The following NAE1 variants were observed in gnomAD, a reference collection of about 807,000 sequenced individuals.
NAE1 encodes the protein NEDD8-activating enzyme E1 regulatory subunit.
NAE1 carries 59 observed loss-of-function variants against 88.0 expected under a neutral mutation model. The ratio of observed to expected loss-of-function variants is 0.67; its 90% confidence interval spans 0.54 to 0.83. The LOEUF (loss-of-function observed/expected upper bound fraction) is 0.83. NAE1 is among the 40% of genes least tolerant of loss of function. The probability of loss-of-function intolerance (pLI) is 0.00; values close to 1 mark genes in which losing one functional copy is unlikely to be tolerated. For synonymous variants in NAE1, 186 were observed against 208.9 expected, an observed-to-expected ratio of 0.89 and a Z score of 0.95; for missense variants, 554 against 632.8, an observed-to-expected ratio of 0.88 and a Z score of 1.34.
At chr16:66,822,957 C>T (rs1330284224) in intron 6 of NAE1, among the ~76,000 whole-genome samples, 1 of 148,702 alleles carries the variant, frequency 6.7e-6, no homozygotes, top group Non-Finnish European at 1.5e-5. Context: ...CATGAGCCAC[C>T]GTGCCCAGCC....
rs1488812766 is a variant in NAE1, at chr16:66,823,562, T to C, written c.288A>G (p.Leu96=). The part of the protein sequence containing the change: ...AEAAMEFLQE[L]NSDVSGSFVE... ...CAAAACTTCCAGAGACATCGCTATTTAATTCTTGTAAGAATTCCATGGCAG... is the reference window on the plus strand; with the variant it reads ...CAAAACTTCCAGAGACATCGCTATTCAATTCTTGTAAGAATTCCATGGCAG... Residue 96 remains leucine (L), a synonymous_variant, in exon 5 of 20, where the codon TTA becomes TTG. Transcript: ENST00000290810. 1 of 1,611,360 alleles carries C rather than the reference T, an allele frequency of 6.2e-7. No individual in the cohort carries two copies. Among genetic ancestry groups the C allele is most frequent in the Non-Finnish European group, 8.5e-7 (1 of 1,179,310 alleles).
At position 66,813,699 on chromosome 16, in the gene NAE1, T is replaced by C. The variant is rs1444594799; in HGVS notation, c.901-2A>G. On this transcript the variant is annotated splice_acceptor_variant, in intron 12 of 19. Transcript: ENST00000290810. LOFTEE classifies it high-confidence loss of function. ...AGCTAAAATCCAAAATGATGGAGTC[T>C]AAAAGAATAAGAAAAAATTAACATT... 1 of 1,612,078 alleles carries C rather than the reference T, an allele frequency of 6.2e-7. No individual in the cohort carries two copies. Among genetic ancestry groups the C allele is most frequent in the East Asian group, 2.2e-5 (1 of 44,818 alleles).
At chr16:66,805,733 G>A in intron 19 of NAE1, 44 bp downstream of exon 19, 1 of 1,377,574 alleles carries the variant, frequency 7.3e-7, no homozygotes, top group South Asian at 2.0e-5. Flanking sequence ...AATAGTAACT[G>A]TACTATGTAA....
intron 16 of NAE1, 122 bp from the exon 17 acceptor site, chr16:66,808,735 G>C (rs1959671369): frequency 6.5e-6 from 5 of 772,764 alleles, no homozygotes; most frequent in Middle Eastern, 3.4e-4. Flanking sequence ...AATCTCTACT[G>C]AAGTAGTAAC....
intron 3 of NAE1, among the ~76,000 whole-genome samples, chr16:66,825,204 T>C (rs1406647434): frequency 2.0e-5 from 3 of 152,092 alleles, no homozygotes; most frequent in Non-Finnish European, 4.4e-5. Flanking sequence ...TCCCAGCACT[T>C]TGGGAGGCCG....
At chr16:66,825,017 T>C (rs561275329) in intron 3 of NAE1, 132 bp from the exon 4 acceptor site, 9 of 512,456 alleles carry the variant, frequency 1.8e-5, no homozygotes, top group African/African-American at 1.6e-4. Context: ...GTAATGGCCT[T>C]CCTGGAGGAA....
At chr16:66,824,914 A>T (rs1418567290) in intron 3 of NAE1, 29 bp from the exon 4 acceptor site, 4 of 1,589,700 alleles carry the variant, frequency 2.5e-6, no homozygotes, top group African/African-American at 1.4e-5. Context: ...AGGAAAAAAA[A>T]GTAAAGCTTA....
chr16:66,810,663 G>A, intron 14 of NAE1, 34 bp downstream of exon 14: 1 of 1,586,510 alleles, frequency 6.3e-7, no homozygotes, highest in Non-Finnish European at 8.6e-7. Flanking sequence ...TACGTGCTGA[G>A]GCCTGTATGG....
At chr16:66,812,396 C>A (rs951789144) in intron 13 of NAE1, among the ~76,000 whole-genome samples, 3 of 151,280 alleles carry the variant, frequency 2.0e-5, no homozygotes, top group African/African-American at 7.3e-5. Context: ...GTTAAGGGAT[C>A]AAATATTAAG....
intron 4 of NAE1, 120 bp from the exon 5 acceptor site, chr16:66,823,720 C>A: frequency 2.7e-6 from 2 of 738,226 alleles, no homozygotes; most frequent in Non-Finnish European, 2.2e-6. Flanking sequence ...ATAAGTATGA[C>A]AACTCTGTTT....
At chr16:66,825,057 T>A (rs1037513796) in intron 3 of NAE1, among the ~76,000 whole-genome samples, 172 bp from the exon 4 acceptor site, 12 of 152,246 alleles carry the variant, frequency 7.9e-5, no homozygotes, top group Admixed American at 3.3e-4. Flanking sequence ...TAAAGAAAGA[T>A]AGGCTAATAA....
At chr16:66,816,516 T>G (rs1397889685) in intron 11 of NAE1, 65 bp downstream of exon 11, 1 of 1,139,008 alleles carries the variant, frequency 8.8e-7, no homozygotes, top group Non-Finnish European at 1.3e-6. Context: ...TAGTCAACCA[T>G]TTAATAGCCA....
chr16:66,829,363 C>T (rs1225094469), intron 1 of NAE1, among the ~76,000 whole-genome samples: 1 of 152,102 alleles, frequency 6.6e-6, no homozygotes, highest in Non-Finnish European at 1.5e-5. Flanking sequence ...GTTTCTTCTC[C>T]GAAAAGCTTG....
chr16:66,808,534 C>T lies in NAE1; in HGVS notation c.1317G>A (p.Gln439=), dbSNP rs772379487. The part of the protein sequence containing the change: ...LRAVDRFHKQ[Q]GRYPGVSNYQ... ...TGCTATTCTTACCTGGATATCTACCCTGTTGTTTATGAAATCTATCAACAG... is the reference window on the plus strand; with the variant it reads ...TGCTATTCTTACCTGGATATCTACCTTGTTGTTTATGAAATCTATCAACAG... Residue 439 remains glutamine, a synonymous_variant, in exon 17 of 20, where the codon CAG becomes CAA. Transcript: ENST00000290810. 6.3e-7 allele frequency: 1 copy of T among 1,578,550 alleles called. No individual in the cohort carries two copies. Among genetic ancestry groups the T allele is most frequent in the Non-Finnish European group, 8.7e-7 (1 of 1,150,530 alleles).
chr16:66,812,513 CTTTTTTTTTTT>C (rs961953416), intron 13 of NAE1, among the ~76,000 whole-genome samples: 9 of 103,648 alleles, frequency 8.7e-5, no homozygotes, highest in Non-Finnish European at 1.3e-4. Flanking sequence ...CCCCTAAGTT[CTTTTTTTTTTT>C]TTTTTTTTTT....
intron 17 of NAE1, among the ~76,000 whole-genome samples, chr16:66,806,490 T>C (rs1431181639): frequency 3.3e-5 from 5 of 152,078 alleles, no homozygotes; most frequent in Non-Finnish European, 1.5e-5. Context: ...AGTGGTGCAG[T>C]CTCGGCTCAC....
rs1052636538 is a variant in NAE1, at chr16:66,809,047, T to C, written c.1179A>G (p.Val393=). 1.9e-6 allele frequency: 3 copies of C among 1,612,640 alleles called. No individual in the cohort carries two copies. Among genetic ancestry groups the C allele is most frequent in the Non-Finnish European group, 2.5e-6 (3 of 1,179,110 alleles). ...ATTCTTCAGCTAAGGATCGACATCT[T>C]ACCACTCGAAGAAATGCAGAATTGC... ...LCSNSAFLRV[V]RCRSLAEEYG... Residue 393 remains valine (V), a synonymous_variant, in exon 16 of 20, where the codon GTA becomes GTG. Transcript: ENST00000290810.
chr16:66,826,487 C>T (rs779360391), intron 3 of NAE1, 36 bp downstream of exon 3: 2 of 1,608,428 alleles, frequency 1.2e-6, no homozygotes, highest in Admixed American at 3.3e-5. Flanking sequence ...CCTTGCCTTC[C>T]TTAACGTGAA....
rs1960097335 is a variant in NAE1, at chr16:66,817,594, AGAG to A, written c.622-110_622-108del. The A allele has an allele frequency of 5.2e-6, 4 of 769,990 alleles. No homozygotes were observed. In the South Asian group the frequency reaches 8.6e-5, roughly 17 times the overall value. 47.7% of individuals were successfully genotyped at this position (769,990 alleles called of 1,614,324 possible). A position where few individuals can be genotyped will look rare whatever the true frequency, so the allele number is the denominator to read the frequency against. On this transcript the variant is annotated intron_variant, in intron 8 of 19. Transcript: ENST00000290810. ...ATATTTATGATCTCCTAATATATGC[AGAG>A]TAGTGAATAGACGAAAATGAACTGA...
Sources: allele counts gnomAD v4.1 joint callset (sites outside exome capture counted in the v4.1 genomes callset), GRCh38; gene constraint gnomAD v4.1.1; transcripts MANE v1.5; gene names NCBI Gene and HGNC (gene_info 2026-07-23, HGNC 2026-07-21).